Variants in CLASP1 observed in about 807,000 individuals in gnomAD.
CLASP1 encodes CLIP-associating protein 1.
In CLASP1, 38 loss-of-function variants were observed where a neutral mutation model predicts 192.3. The observed-to-expected ratio is 0.20, with a 90% CI of 0.15 to 0.26. CLASP1 has a LOEUF of 0.26. CLASP1 is among the 10% of genes least tolerant of loss of function. The pLI is 1.00. For synonymous variants in CLASP1, 691 were observed against 712.8 expected (o/e 0.97, Z 0.49); for missense variants, 1,433 against 1,932.5 (o/e 0.74, Z 4.85).
intron 24 of CLASP1, chr2:121,408,955 A>C: frequency 7.2e-7 from 1 of 1,391,398 alleles, no homozygotes; most frequent in South Asian, 1.3e-5. Context: ...GGTTTTCACT[A>C]GCTTCTAAAA....
intron 18 of CLASP1, 134 bp from the exon 19 acceptor site, chr2:121,447,641 A>C (rs1428373144): frequency 1.3e-6 from 1 of 760,184 alleles, no homozygotes; most frequent in Non-Finnish European, 2.1e-6. Flanking sequence ...TAAAAAACTG[A>C]CAAACAGTTT....
intron 22 of CLASP1, 122 bp from the exon 23 acceptor site, chr2:121,418,851 T>C (rs2079029859): frequency 8.7e-6 from 6 of 692,888 alleles, no homozygotes; most frequent in Non-Finnish European, 1.5e-5. Context: ...TGGGGAGTTC[T>C]GATGACTGAG....
At chr2:121,475,609 C>T (rs2091498970) in intron 8 of CLASP1, among the ~76,000 whole-genome samples, 1 of 152,224 alleles carries the variant, frequency 6.6e-6, no homozygotes, top group South Asian at 2.1e-4. Context: ...TTAGGCTTTT[C>T]TGCTAAGCAT....
chr2:121,576,936 A>C (rs568674013), intron 2 of CLASP1, among the ~76,000 whole-genome samples: 85 of 152,340 alleles, frequency 5.6e-4, no homozygotes, highest in African/African-American at 2.0e-3. Flanking sequence ...ATTGAGGATA[A>C]CTGAACACAA....
intron 2 of CLASP1, among the ~76,000 whole-genome samples, chr2:121,552,438 C>T (rs1157690354): frequency 6.6e-6 from 1 of 152,078 alleles, no homozygotes; most frequent in Non-Finnish European, 1.5e-5. Flanking sequence ...TTGCAAACCA[C>T]GCATCTGACA....
intron 34 of CLASP1, among the ~76,000 whole-genome samples, chr2:121,375,663 G>A (rs2069929875): frequency 6.6e-6 from 1 of 152,088 alleles, no homozygotes; most frequent in Non-Finnish European, 1.5e-5. Context: ...CACCTAGCTG[G>A]TAGTTCTTTA....
intron 1 of CLASP1, among the ~76,000 whole-genome samples, chr2:121,633,780 G>C (rs572948224): frequency 6.6e-6 from 1 of 152,236 alleles, no homozygotes; most frequent in South Asian, 2.1e-4. Context: ...GCAGAGGTGA[G>C]TGGATCATGA....
At chr2:121,629,320 G>A (rs1203896305) in intron 1 of CLASP1, among the ~76,000 whole-genome samples, 6 of 151,526 alleles carry the variant, frequency 4.0e-5, no homozygotes, top group Non-Finnish European at 8.8e-5. Context: ...AATCCGGGAG[G>A]CGGAGCTTGC....
At position 121,504,271 on chromosome 2, in the gene CLASP1, G is replaced by C. The variant is rs1431204305; in HGVS notation, c.645-1037C>G. 2.6e-5 allele frequency among the ~76,000 whole-genome samples: 4 copies of C among 151,964 alleles called. No individual in the cohort carries two copies. The East Asian group carries it at 7.7e-4, about 29-fold the overall frequency. On this transcript the variant is annotated intron_variant, in intron 7 of 39. Coordinates refer to ENST00000263710, the Ensembl canonical transcript of CLASP1. ...GAAAGAAAAAAGAGGCTTTCTCACA[G>C]GTATACTGGAGTAAGTGTTGAGATT...
At chr2:121,379,319 C>G (rs2071060663) in intron 33 of CLASP1, among the ~76,000 whole-genome samples, 1 of 151,942 alleles carries the variant, frequency 6.6e-6, no homozygotes, top group African/African-American at 2.4e-5. Context: ...TCTAAACTGA[C>G]AGGAGGTAGA....
chr2:121,613,721 T>C (rs1015831519), intron 1 of CLASP1, among the ~76,000 whole-genome samples: 5 of 151,896 alleles, frequency 3.3e-5, no homozygotes, highest in Non-Finnish European at 5.9e-5. Flanking sequence ...CTATTAACAA[T>C]GGGGGATGGA....
chr2:121,465,090 T>C (rs1440906901), intron 9 of CLASP1, among the ~76,000 whole-genome samples: 2 of 152,168 alleles, frequency 1.3e-5, no homozygotes, highest in South Asian at 4.1e-4. Context: ...ACTGGAAGCA[T>C]TCCCTTTGAA....
At chr2:121,480,108 T>C (rs2092464299) in intron 8 of CLASP1, among the ~76,000 whole-genome samples, 1 of 152,142 alleles carries the variant, frequency 6.6e-6, no homozygotes, top group South Asian at 2.1e-4. Context: ...CTGGTACAGA[T>C]AACGTGAGAA....
chr2:121,638,286 T>C (rs1464053067), intron 1 of CLASP1, among the ~76,000 whole-genome samples: 2 of 151,946 alleles, frequency 1.3e-5, no homozygotes, highest in Non-Finnish European at 2.9e-5. Context: ...AGAATGGTTA[T>C]AATAAAAATA....
Position 121,418,779 on chromosome 2 carries a change from G to C in CLASP1, c.2213-50C>G, listed in dbSNP as rs374607313. ...AGAGAAGGTGAACAAGTTTAATGAA[G>C]ACAGATAAACTCACAAAATGTCAGT... is the stretch of plus-strand genomic sequence containing the variant. On this transcript the variant is annotated intron_variant, in intron 22 of 39. Transcript: ENST00000263710. 63 of 1,272,822 alleles carry C rather than the reference G, an allele frequency of 4.9e-5. No individual in the cohort carries two copies. The African/African-American group carries it at 8.0e-4, about 16-fold the overall frequency. The allele number at this position is 1,272,822 out of a possible 1,614,324, so 78.8% of individuals were successfully genotyped here. A position where few individuals can be genotyped will look rare whatever the true frequency, so the allele number is the denominator to read the frequency against.
chr2:121,436,041 T>TG (rs922696666), intron 19 of CLASP1, among the ~76,000 whole-genome samples: 23 of 152,216 alleles, frequency 1.5e-4, no homozygotes, highest in African/African-American at 5.5e-4. Context: ...ACTTTTTTTT[T>TG]TTTTTCTTGA....
chr2:121,471,826 G>C (rs1336760138), intron 8 of CLASP1, among the ~76,000 whole-genome samples: 1 of 152,144 alleles, frequency 6.6e-6, no homozygotes, highest in Admixed American at 6.5e-5. Flanking sequence ...CATTGATTCA[G>C]ATGTACAGTG....
chr2:121,370,410 C>T (rs1413593176), intron 34 of CLASP1, among the ~76,000 whole-genome samples: 2 of 152,152 alleles, frequency 1.3e-5, no homozygotes, highest in Non-Finnish European at 2.9e-5. Flanking sequence ...ACTGCAACCT[C>T]CGCCTTCTAG....
intron 2 of CLASP1, among the ~76,000 whole-genome samples, chr2:121,565,281 G>A (rs1459376580): frequency 6.6e-6 from 1 of 152,164 alleles, no homozygotes; most frequent in Admixed American, 6.5e-5. Flanking sequence ...ATTCTGCTCT[G>A]TATTCACAAG....
Sources: allele counts gnomAD v4.1 joint callset (sites outside exome capture counted in the v4.1 genomes callset), GRCh38; gene constraint gnomAD v4.1.1; transcripts MANE v1.5; gene names NCBI Gene and HGNC (gene_info 2026-07-23, HGNC 2026-07-21).